Variants in CFAP54 observed in about 807,000 individuals in gnomAD.
CFAP54 encodes cilia- and flagella-associated protein 54.
In CFAP54, 290 loss-of-function variants were observed where a neutral mutation model predicts 370.4. The observed-to-expected ratio is 0.78, with a 90% CI of 0.71 to 0.86. CFAP54 has a LOEUF of 0.86. Ranked by LOEUF, CFAP54 falls within the 40% of genes least tolerant of loss-of-function variation. The pLI, the probability that CFAP54 is intolerant of heterozygous loss-of-function variation, is 0.00. For missense variants in CFAP54, 3,399 were observed against 3,528.7 expected, an observed-to-expected ratio of 0.96 and a Z score of 0.93; for synonymous variants, 1,206 against 1,236.5, an observed-to-expected ratio of 0.98 and a Z score of 0.52.
rs34387826 is a variant in CFAP54, at chr12:96,541,287, CTTTT to C, written c.2077+313_2077+316del. On this transcript the variant is annotated intron_variant, in intron 14 of 67. Transcript: ENST00000524981. Reference sequence around the variant, plus strand: ...TTCTTTCTTTTTTCACTTTCTCTCCCTTTTTTTTTTTTTTTTGAGACGGAGTTTT... The same window carrying C: ...TTCTTTCTTTTTTCACTTTCTCTCCCTTTTTTTTTTTTGAGACGGAGTTTT... Among the ~76,000 whole-genome samples the C allele has an allele frequency of 7.2e-3, 981 of 135,894 alleles. 23 individuals carry two copies. Among genetic ancestry groups the C allele is most frequent in the East Asian group, 0.059 (268 of 4,540 alleles). 89.2% of individuals were successfully genotyped at this position (135,894 alleles called of 152,430 possible).
At chr12:96,752,704 C>T (rs57959648) in intron 55 of CFAP54, among the ~76,000 whole-genome samples, 3,389 of 152,304 alleles carry the variant, frequency 0.022, 147 homozygotes, top group East Asian at 0.21. Flanking sequence ...CAAAGTGCCC[C>T]GTGCTTTCTC....
intron 47 of CFAP54, among the ~76,000 whole-genome samples, chr12:96,707,866 A>G (rs1394163370): frequency 6.6e-6 from 1 of 152,104 alleles, no homozygotes; most frequent in East Asian, 1.9e-4. Context: ...AAACCAGGGA[A>G]GGAAGGGTTA....
intron 15 of CFAP54, among the ~76,000 whole-genome samples, chr12:96,548,977 C>T (rs1428247677): frequency 2.6e-5 from 4 of 152,072 alleles, no homozygotes; most frequent in Admixed American, 2.0e-4. Flanking sequence ...GCCTCAGCCT[C>T]CTGAGTAGCT....
chr12:96,784,765 A>G lies in CFAP54; in HGVS notation c.8330A>G (p.Asn2777Ser), dbSNP rs1592759758. Residue 2777 changes from asparagine (N) to serine (S), a missense_variant, in exon 61 of 68, where the codon AAT (asparagine) becomes AGT (serine). By Grantham distance (46) the Asn-to-Ser change is conservative. Coordinates refer to ENST00000524981, the MANE Select transcript of CFAP54 (RefSeq NM_001306084.2). ...FQTSCTFLYQNDDVCDSADGR... is the reference protein window; with the variant it reads ...FQTSCTFLYQSDDVCDSADGR... ...ACTTCCTGTACATTTTTGTACCAAAATGATGATGTGTGTGACAGCGCAGAT... is the reference window on the plus strand; with the variant it reads ...ACTTCCTGTACATTTTTGTACCAAAGTGATGATGTGTGTGACAGCGCAGAT... The G allele has an allele frequency of 4.6e-6, 7 of 1,532,644 alleles. No homozygotes were observed. In the East Asian group the frequency reaches 1.7e-4, roughly 38 times the overall value. 94.9% of individuals were successfully genotyped at this position (1,532,644 alleles called of 1,614,324 possible).
chr12:96,751,083 A>G (rs530281055), intron 55 of CFAP54, among the ~76,000 whole-genome samples: 1 of 152,362 alleles, frequency 6.6e-6, no homozygotes, highest in African/African-American at 2.4e-5. Flanking sequence ...TAAGACAAAA[A>G]TAAACATCAT....
intron 19 of CFAP54, among the ~76,000 whole-genome samples, chr12:96,570,621 G>A (rs1955907473): frequency 6.6e-6 from 1 of 152,116 alleles, no homozygotes; most frequent in South Asian, 2.1e-4. Flanking sequence ...AGTTATTTAT[G>A]CTCTCTTAAG....
At chr12:96,623,218 A>T (rs1015538347) in intron 27 of CFAP54, among the ~76,000 whole-genome samples, 2 of 152,090 alleles carry the variant, frequency 1.3e-5, no homozygotes, top group Admixed American at 6.6e-5. Context: ...AGAGACATTA[A>T]CAGGTCAGTT....
At chr12:96,582,444 G>A (rs1956041390) in intron 22 of CFAP54, among the ~76,000 whole-genome samples, 1 of 151,792 alleles carries the variant, frequency 6.6e-6, no homozygotes. Flanking sequence ...AGTAATATAA[G>A]ATAAGATCTT....
chr12:96,848,462 G>C (rs1959426709), intron 66 of CFAP54, among the ~76,000 whole-genome samples: 1 of 152,172 alleles, frequency 6.6e-6, no homozygotes, highest in African/African-American at 2.4e-5. Flanking sequence ...ACTTTGGGAG[G>C]CCAAGGCAGG....
chr12:96,664,753 A>C (rs1415689271), intron 39 of CFAP54, among the ~76,000 whole-genome samples: 1 of 23,438 alleles, frequency 4.3e-5, no homozygotes. Context: ...ATATATATAT[A>C]TCTATATATA....
At chr12:96,645,257 G>A in intron 33 of CFAP54, 1 of 416,452 alleles carries the variant, frequency 2.4e-6, no homozygotes, top group Non-Finnish European at 4.9e-6. Context: ...CTATTAAAAA[G>A]ATACAAAATC....
At chr12:96,516,199 G>A (rs1160823185) in intron 5 of CFAP54, among the ~76,000 whole-genome samples, 5 of 152,088 alleles carry the variant, frequency 3.3e-5, no homozygotes, top group Non-Finnish European at 5.9e-5. Flanking sequence ...ACAGGTGTGA[G>A]CCACTGCGTC....
intron 24 of CFAP54, 98 bp from the exon 25 acceptor site, chr12:96,594,193 T>C: frequency 1.2e-6 from 1 of 859,388 alleles, no homozygotes; most frequent in Middle Eastern, 2.4e-4. Flanking sequence ...TCATGTTGTT[T>C]TTAGCCAGAA....
chr12:96,500,992 AT>A, intron 2 of CFAP54, 53 bp downstream of exon 2: 1 of 1,109,554 alleles, frequency 9.0e-7, no homozygotes, highest in Non-Finnish European at 1.3e-6. Context: ...GCTAATTATT[AT>A]TACAGTATTT....
At chr12:96,776,223 G>T (rs1049104177) in intron 60 of CFAP54, among the ~76,000 whole-genome samples, 8 of 151,842 alleles carry the variant, frequency 5.3e-5, no homozygotes, top group South Asian at 2.1e-4. Flanking sequence ...AATTTTTAAA[G>T]ATTTTTTTGG....
chr12:96,687,488 CTCCAGTT>C, intron 42 of CFAP54, among the ~76,000 whole-genome samples: 1 of 152,162 alleles, frequency 6.6e-6, no homozygotes, highest in East Asian at 1.9e-4. Flanking sequence ...TCCTTCATCT[CTCCAGTT>C]ACAGTTACCT....
At chr12:96,505,874 C>T (rs1443100828) in intron 3 of CFAP54, among the ~76,000 whole-genome samples, 1 of 152,120 alleles carries the variant, frequency 6.6e-6, no homozygotes, top group Non-Finnish European at 1.5e-5. Flanking sequence ...AACTGTTTTC[C>T]CTCCTCTAAG....
intron 36 of CFAP54, among the ~76,000 whole-genome samples, chr12:96,653,999 T>C (rs1022635837): frequency 6.6e-6 from 1 of 152,094 alleles, no homozygotes; most frequent in Non-Finnish European, 1.5e-5. Flanking sequence ...ATCACTTAGG[T>C]GAAATGGACA....
intron 22 of CFAP54, among the ~76,000 whole-genome samples, chr12:96,588,672 T>C (rs1185545735): frequency 7.3e-6 from 1 of 136,246 alleles, no homozygotes; most frequent in Non-Finnish European, 1.7e-5. Flanking sequence ...TTATACTTCA[T>C]ACCTTAGCTG....
Sources: gnomAD v4.1 joint callset for allele counts (sites outside exome capture counted in the v4.1 genomes callset) on GRCh38, gnomAD v4.1.1 for gene constraint, MANE v1.5 for transcripts, NCBI Gene and HGNC (gene_info 2026-07-23, HGNC 2026-07-21) for gene names.